Variants in ENTHD1 observed in about 807,000 individuals in gnomAD.
ENTHD1 encodes the protein ENTH domain containing 1.
In ENTHD1, 23 loss-of-function variants were observed where a neutral mutation model predicts 39.1. That is an observed-to-expected ratio of 0.59 (90% CI 0.42 to 0.83). The LOEUF (loss-of-function observed/expected upper bound fraction) is 0.83. Ranked by LOEUF, ENTHD1 falls within the 40% of genes least tolerant of loss-of-function variation. The pLI is 0.00. For missense variants in ENTHD1, 624 were observed against 705.4 expected, an observed-to-expected ratio of 0.88 and a Z score of 1.31; for synonymous variants, 230 against 258.2, an observed-to-expected ratio of 0.89 and a Z score of 1.05.
chr22:39,875,339 G>A, intron 2 of ENTHD1: 1 of 1,341,630 alleles, frequency 7.5e-7, no homozygotes, highest in Non-Finnish European at 9.5e-7. Context: ...CGTCCTGTCG[G>A]CCACGTCCCG....
chr22:39,864,478 C>T (rs996239940), intron 2 of ENTHD1, among the ~76,000 whole-genome samples: 5 of 152,078 alleles, frequency 3.3e-5, no homozygotes, highest in South Asian at 2.1e-4. Flanking sequence ...TTTTCACATT[C>T]GCATTTATCA....
chr22:39,835,911 G>A lies in ENTHD1; in HGVS notation c.640C>T (p.His214Tyr), dbSNP rs143255336. Residue 214 changes from histidine (H) to tyrosine (Y), a missense_variant, in exon 4 of 7, where the codon CAT becomes TAT. By Grantham distance (83) the His-to-Tyr change is moderately conservative. Coordinates refer to ENST00000325157, the MANE Select transcript of ENTHD1 (RefSeq NM_152512.4). ...GACAACATAGTTTCTGTAGGCAAAT[G>A]AACATCTTGGCAATGCTCTTGTTTC... ...GLKQEHCQDVHLPTETMLSQE... is the reference protein window; with the variant it reads ...GLKQEHCQDVYLPTETMLSQE... 9 of 1,609,778 alleles carry A rather than the reference G, an allele frequency of 5.6e-6. No individual in the cohort carries two copies. The African/African-American group carries it at 9.4e-5, about 17-fold the overall frequency.
chr22:39,816,610 G>C (rs2065735513), intron 5 of ENTHD1, among the ~76,000 whole-genome samples: 1 of 152,112 alleles, frequency 6.6e-6, no homozygotes, highest in Admixed American at 6.5e-5. Flanking sequence ...TAAATGTTGA[G>C]ACAACTGGCT....
At chr22:39,877,055 G>A (rs2066296557) in intron 2 of ENTHD1, among the ~76,000 whole-genome samples, 1 of 152,176 alleles carries the variant, frequency 6.6e-6, no homozygotes, top group African/African-American at 2.4e-5. Context: ...ACCTGCGAAT[G>A]TTAACGAGAT....
intron 5 of ENTHD1, among the ~76,000 whole-genome samples, chr22:39,810,721 A>G (rs367797301): frequency 1.2e-3 from 187 of 152,334 alleles, no homozygotes; most frequent in Admixed American, 2.4e-3. Context: ...GGTACCATGC[A>G]TAGCTATAGT....
chr22:39,818,939 C>A (rs1030004575), intron 5 of ENTHD1, among the ~76,000 whole-genome samples: 13 of 152,206 alleles, frequency 8.5e-5, no homozygotes, highest in Non-Finnish European at 1.6e-4. Context: ...GCAGCTTATT[C>A]ATAACTGCCA....
chr22:39,874,454 C>T (rs2066270129), intron 2 of ENTHD1: 1 of 152,132 alleles, frequency 6.6e-6, no homozygotes, highest in South Asian at 2.1e-4. Context: ...AGGAGAGACA[C>T]ACATACAGCG....
At chr22:39,744,385 C>T in intron 6 of ENTHD1, 102 bp from the exon 7 acceptor site, 3 of 1,043,384 alleles carry the variant, frequency 2.9e-6, no homozygotes, top group Non-Finnish European at 4.0e-6. Context: ...AAGGGCTCAA[C>T]ATAAATAAAC....
chr22:39,873,240 T>C (rs904221875), intron 2 of ENTHD1, among the ~76,000 whole-genome samples: 2 of 152,186 alleles, frequency 1.3e-5, no homozygotes, highest in African/African-American at 2.4e-5. Flanking sequence ...ATAAAATTAA[T>C]TGCAGTTTCA....
chr22:39,881,005 A>T (rs1458137467), intron 2 of ENTHD1, among the ~76,000 whole-genome samples: 1 of 152,232 alleles, frequency 6.6e-6, no homozygotes, highest in Non-Finnish European at 1.5e-5. Flanking sequence ...AGCAAAAAGG[A>T]GCCAACAACA....
chr22:39,802,052 T>C lies in ENTHD1; in HGVS notation c.832+18941A>G, dbSNP rs142579807. The stretch of plus-strand genomic sequence containing the variant: ...ATGGGTGTCTCATAGCCAACTCAAA[T>C]GTAACAAGACATCTAAAATGTAGCT... On this transcript the variant is annotated intron_variant, in intron 5 of 6. Transcript: ENST00000325157. 3.9e-5 allele frequency among the ~76,000 whole-genome samples: 6 copies of C among 152,270 alleles called. No homozygotes were observed. The East Asian group carries it at 9.6e-4, about 24-fold the overall frequency.
intron 5 of ENTHD1, among the ~76,000 whole-genome samples, chr22:39,806,527 G>T (rs2065641969): frequency 6.6e-6 from 1 of 152,174 alleles, no homozygotes; most frequent in Non-Finnish European, 1.5e-5. Flanking sequence ...ATTCAATTGA[G>T]GGGCATTTCC....
At chr22:39,880,404 A>C (rs1185231485) in intron 2 of ENTHD1, among the ~76,000 whole-genome samples, 2 of 152,232 alleles carry the variant, frequency 1.3e-5, no homozygotes, top group Non-Finnish European at 2.9e-5. Context: ...TGATGAATAC[A>C]TGTCATTGTA....
intron 4 of ENTHD1, among the ~76,000 whole-genome samples, chr22:39,823,511 A>C (rs1211547521): frequency 6.6e-6 from 1 of 151,888 alleles, no homozygotes; most frequent in Non-Finnish European, 1.5e-5. Flanking sequence ...TGCCCGACTA[A>C]ATTTTTTTTA....
intron 5 of ENTHD1, among the ~76,000 whole-genome samples, chr22:39,807,678 G>A (rs1381421633): frequency 2.0e-5 from 3 of 152,128 alleles, no homozygotes; most frequent in Non-Finnish European, 4.4e-5. Context: ...CTCATTCTGC[G>A]TAGTAGGCAA....
chr22:39,876,049 T>G, intron 2 of ENTHD1: 5 of 1,613,944 alleles, frequency 3.1e-6, no homozygotes, highest in Non-Finnish European at 4.2e-6. Flanking sequence ...GATTGGGTCC[T>G]GCTACTCTCA....
chr22:39,812,727 C>T (rs1004809339), intron 5 of ENTHD1, among the ~76,000 whole-genome samples: 1 of 152,154 alleles, frequency 6.6e-6, no homozygotes, highest in Non-Finnish European at 1.5e-5. Flanking sequence ...ACATCACTAG[C>T]AGGGAAAACA....
intron 2 of ENTHD1, among the ~76,000 whole-genome samples, chr22:39,872,016 C>A (rs141918102): frequency 1.1e-4 from 16 of 152,346 alleles, no homozygotes; most frequent in African/African-American, 3.4e-4. Context: ...TGAAATTGCA[C>A]TAATTTATTA....
chr22:39,842,073 C>A (rs1308360192), intron 3 of ENTHD1, among the ~76,000 whole-genome samples: 1 of 151,850 alleles, frequency 6.6e-6, no homozygotes, highest in Non-Finnish European at 1.5e-5. Context: ...CCCCCACTCT[C>A]TTCTGGCTTG....
Sources: allele counts gnomAD v4.1 joint callset (sites outside exome capture counted in the v4.1 genomes callset), GRCh38; gene constraint gnomAD v4.1.1; transcripts MANE v1.5; gene names NCBI Gene and HGNC (gene_info 2026-07-23, HGNC 2026-07-21).